RBFOX1: variants seen among roughly 807,000 people sequenced by gnomAD.
RBFOX1 encodes the protein RNA binding fox-1 homolog 1.
Under a neutral mutation model 57.7 loss-of-function variants are expected in RBFOX1, and 8 were observed. That is an observed-to-expected ratio of 0.14 (90% CI 0.08 to 0.25). The LOEUF (loss-of-function observed/expected upper bound fraction) is 0.25, where lower values mean the gene tolerates loss of function less well. RBFOX1 is among the 10% of genes least tolerant of loss of function. The probability of loss-of-function intolerance (pLI) is 1.00; values close to 1 mark genes in which losing one functional copy is unlikely to be tolerated. For synonymous variants in RBFOX1, 326 were observed against 222.4 expected (o/e 1.47, Z -4.15); for missense variants, 611 against 548.5 (o/e 1.11, Z -1.14).
chr16:7,061,567 G>C (rs1424617650), intron 4 of RBFOX1, among the ~76,000 whole-genome samples: 1 of 152,038 alleles, frequency 6.6e-6, no homozygotes, highest in Non-Finnish European at 1.5e-5. Context: ...ATTTGGAGAA[G>C]ACTCAAAAAA....
intron 4 of RBFOX1, among the ~76,000 whole-genome samples, chr16:7,250,954 G>T (rs72769204): frequency 0.018 from 2,670 of 152,248 alleles, 27 homozygotes; most frequent in Non-Finnish European, 0.025. Flanking sequence ...TGTATATATT[G>T]TGGAATGGCG....
chr16:7,181,155 T>G (rs556202783), intron 4 of RBFOX1, among the ~76,000 whole-genome samples: 179 of 152,304 alleles, frequency 1.2e-3, no homozygotes, highest in Non-Finnish European at 2.2e-3. Context: ...ATGTGCCAGG[T>G]GGACGGCCTT....
intron 3 of RBFOX1, among the ~76,000 whole-genome samples, chr16:5,747,008 G>T (rs377710859): frequency 6.6e-6 from 1 of 152,136 alleles, no homozygotes; most frequent in African/African-American, 2.4e-5. Flanking sequence ...GGGCATCCCT[G>T]TCTTGTGTCA....
intron 3 of RBFOX1, among the ~76,000 whole-genome samples, chr16:6,882,006 T>A (rs1361789311): frequency 6.6e-6 from 1 of 152,104 alleles, no homozygotes; most frequent in Non-Finnish European, 1.5e-5. Flanking sequence ...TTAAAAAAAC[T>A]AAAATCACCA....
intron 3 of RBFOX1, among the ~76,000 whole-genome samples, chr16:6,659,957 A>G (rs1320656720): frequency 6.6e-6 from 1 of 152,164 alleles, no homozygotes; most frequent in Non-Finnish European, 1.5e-5. Flanking sequence ...GAGGCTGGGC[A>G]CTGTGGCTCA....
At chr16:6,251,421 G>A (rs1158231528) in intron 1 of RBFOX1, among the ~76,000 whole-genome samples, 2 of 152,090 alleles carry the variant, frequency 1.3e-5, no homozygotes, top group African/African-American at 4.8e-5. Context: ...GAGGGGGCAG[G>A]AACTGAACTA....
intron 4 of RBFOX1, among the ~76,000 whole-genome samples, chr16:7,173,281 C>T (rs935392472): frequency 6.6e-5 from 10 of 152,276 alleles, no homozygotes; most frequent in East Asian, 1.9e-4. Context: ...TCAAATCCAA[C>T]GTGCATTTAG....
chr16:6,372,356 T>C (rs1475917784), intron 2 of RBFOX1, among the ~76,000 whole-genome samples: 1 of 147,672 alleles, frequency 6.8e-6, no homozygotes, highest in Non-Finnish European at 1.5e-5. Context: ...TATAGTCGGA[T>C]GGAAGGATGG....
chr16:5,671,676 C>T (rs757075086), intron 3 of RBFOX1, among the ~76,000 whole-genome samples: 69 of 152,204 alleles, frequency 4.5e-4, no homozygotes, highest in Non-Finnish European at 8.8e-4. Flanking sequence ...GATCAAAGTG[C>T]TAATGCAAAC....
intron 9 of RBFOX1, among the ~76,000 whole-genome samples, chr16:7,603,540 T>C (rs2095146284): frequency 6.6e-6 from 1 of 152,040 alleles, no homozygotes. Context: ...GGTGGGAAAG[T>C]GACATTAACT....
chr16:6,690,653 C>A (rs1320215835), intron 3 of RBFOX1, among the ~76,000 whole-genome samples: 1 of 152,000 alleles, frequency 6.6e-6, no homozygotes, highest in Non-Finnish European at 1.5e-5. Context: ...AATCATAAAC[C>A]TCTGCTTTTA....
intron 1 of RBFOX1, among the ~76,000 whole-genome samples, chr16:5,439,144 A>C (rs1431646223): frequency 6.6e-6 from 1 of 152,022 alleles, no homozygotes; most frequent in African/African-American, 2.4e-5. Flanking sequence ...TGGGAAAAGC[A>C]AGCAGGGTGG....
chr16:6,722,400 C>T lies in RBFOX1; in HGVS notation c.-16+67750C>T, dbSNP rs78148524. Among the ~76,000 whole-genome samples the T allele has an allele frequency of 5.9e-3, 899 of 152,244 alleles. 7 individuals are homozygous for T. Among genetic ancestry groups the T allele is most frequent in the African/African-American group, 0.017 (704 of 41,536 alleles). On this transcript the variant is annotated intron_variant, in intron 3 of 15. Coordinates refer to ENST00000550418, the MANE Select transcript of RBFOX1 (RefSeq NM_018723.4). ...TGCTCTAAGTCATCTTGGTCATGTC[C>T]TTAGGAAGTATATTATTTGCAGAGC...
chr16:5,743,196 G>A (rs951795187), intron 3 of RBFOX1, among the ~76,000 whole-genome samples: 4 of 152,152 alleles, frequency 2.6e-5, no homozygotes, highest in African/African-American at 4.8e-5. Flanking sequence ...CTCTTTGTAT[G>A]TCTCTGTGAA....
chr16:6,244,137 A>T (rs992162694), intron 1 of RBFOX1, among the ~76,000 whole-genome samples: 1 of 151,942 alleles, frequency 6.6e-6, no homozygotes, highest in Non-Finnish European at 1.5e-5. Context: ...AAATAAATAC[A>T]GTCTATCACT....
intron 1 of RBFOX1, among the ~76,000 whole-genome samples, chr16:6,257,617 C>T (rs2097676421): frequency 6.6e-6 from 1 of 152,100 alleles, no homozygotes; most frequent in East Asian, 1.9e-4. Flanking sequence ...TTGTTCCCTT[C>T]TATGTGTCCA....
At chr16:5,276,839 T>C (rs2151137298) in intron 1 of RBFOX1, among the ~76,000 whole-genome samples, 1 of 152,328 alleles carries the variant, frequency 6.6e-6, no homozygotes, top group South Asian at 2.1e-4. Context: ...TTTACACTGA[T>C]GGTGGGAATG....
At chr16:7,206,090 C>T (rs947034297) in intron 4 of RBFOX1, among the ~76,000 whole-genome samples, 10 of 152,082 alleles carry the variant, frequency 6.6e-5, no homozygotes, top group African/African-American at 2.4e-4. Context: ...AAATGTTAAG[C>T]AGGTTTAGGG....
At chr16:7,432,501 C>G (rs1218254472) in intron 4 of RBFOX1, among the ~76,000 whole-genome samples, 2 of 152,154 alleles carry the variant, frequency 1.3e-5, no homozygotes, top group African/African-American at 2.4e-5. Context: ...GATTTCTTGT[C>G]TTAACAACAG....
Sources: gnomAD v4.1 joint callset for allele counts (sites outside exome capture counted in the v4.1 genomes callset) on GRCh38, gnomAD v4.1.1 for gene constraint, MANE v1.5 for transcripts, NCBI Gene and HGNC (gene_info 2026-07-23, HGNC 2026-07-21) for gene names.